Variants in PTPRG observed in about 807,000 individuals in gnomAD.
PTPRG encodes the protein receptor-type tyrosine-protein phosphatase gamma.
A neutral mutation model predicts 165.3 loss-of-function variants in PTPRG; 102 were observed. That is an observed-to-expected ratio of 0.62 (90% confidence interval 0.53 to 0.73). The LOEUF (loss-of-function observed/expected upper bound fraction) is 0.73. PTPRG is among the 30% of genes least tolerant of loss of function. PTPRG has a pLI of 0.00. For missense variants in PTPRG, 1,866 were observed against 1,861.4 expected, an observed-to-expected ratio of 1.00 and a Z score of -0.05; for synonymous variants, 675 against 669.5, an observed-to-expected ratio of 1.01 and a Z score of -0.13.
chr3:61,689,689 G>A (rs1179608818), intron 1 of PTPRG, among the ~76,000 whole-genome samples: 1 of 152,170 alleles, frequency 6.6e-6, no homozygotes, highest in Non-Finnish European at 1.5e-5. Flanking sequence ...TCCCAGGTAA[G>A]GTAGCATTTG....
At chr3:61,620,871 C>T (rs922980756) in intron 1 of PTPRG, among the ~76,000 whole-genome samples, 7 of 151,850 alleles carry the variant, frequency 4.6e-5, no homozygotes, top group African/African-American at 1.5e-4. Context: ...TCTGGTGATC[C>T]TCCCACCTCA....
intron 1 of PTPRG, among the ~76,000 whole-genome samples, chr3:61,595,990 C>A (rs190885881): frequency 1.3e-5 from 2 of 152,050 alleles, no homozygotes; most frequent in Non-Finnish European, 2.9e-5. Context: ...ACATAGCCTA[C>A]GTTCAAGGCA....
chr3:61,623,764 T>A (rs924400264), intron 1 of PTPRG, among the ~76,000 whole-genome samples: 1 of 152,184 alleles, frequency 6.6e-6, no homozygotes, highest in Admixed American at 6.5e-5. Context: ...AAACCTTCAG[T>A]TGCTGTTTGT....
intron 20 of PTPRG, among the ~76,000 whole-genome samples, chr3:62,269,476 T>G (rs1701991533): frequency 2.0e-5 from 3 of 152,150 alleles, no homozygotes; most frequent in Admixed American, 1.3e-4. Context: ...TTGATTTAGC[T>G]TTTTTATTCC....
rs548479057 is a variant in PTPRG at position 62,133,593 on chromosome 3, T to C, written c.682+925T>C. Reference sequence around the variant, plus strand: ...TAGGATTTTGGATTAATTGTTCCGTTCTCAAAATTGGTCAGTCATGCAGCA... The same window carrying C: ...TAGGATTTTGGATTAATTGTTCCGTCCTCAAAATTGGTCAGTCATGCAGCA... On this transcript the variant is annotated intron_variant, in intron 6 of 29. Coordinates refer to ENST00000474889, the MANE Select transcript of PTPRG (RefSeq NM_002841.4). Among the ~76,000 whole-genome samples the C allele has an allele frequency of 4.1e-4, 63 of 152,286 alleles. No individual in the cohort carries two copies. In the South Asian group the frequency reaches 4.4e-3, roughly 11 times the overall value.
At position 62,218,872 on chromosome 3, in the gene PTPRG, T is replaced by A; in HGVS notation, c.2177T>A (p.Met726Lys). 1 of 1,613,956 alleles carries A rather than the reference T, an allele frequency of 6.2e-7. No homozygotes were observed. The highest frequency in any genetic ancestry group is 8.5e-7 in the Non-Finnish European group (1 of 1,179,920). ...VNPAEKNTSG[M>K]ISRPAPGRME... ...GCAGCGGAAAAAAACACCTCTGGAA[T>A]GATAAGCCGCCCTGCTCCAGGGAGG... The change falls in exon 13 of 30, where the codon ATG (methionine) becomes AAG (lysine). Residue 726 changes from methionine (M) to lysine (K), a missense_variant. Met to Lys is a moderately conservative substitution (Grantham distance 95). Coordinates refer to ENST00000474889, the MANE Select transcript of PTPRG (RefSeq NM_002841.4).
intron 1 of PTPRG, among the ~76,000 whole-genome samples, chr3:61,606,549 TGTCA>T (rs1275520341): frequency 6.6e-6 from 1 of 152,234 alleles, no homozygotes; most frequent in Non-Finnish European, 1.5e-5. Context: ...GGTGTCCCAA[TGTCA>T]GTCCATGTAT....
intron 14 of PTPRG, among the ~76,000 whole-genome samples, chr3:62,243,001 G>A (rs776480083): frequency 1.3e-5 from 2 of 151,960 alleles, no homozygotes; most frequent in Admixed American, 6.6e-5. Flanking sequence ...AGCCATTCAC[G>A]CTGAGCAGCT....
At chr3:61,682,446 T>TG (rs1363535770) in intron 1 of PTPRG, among the ~76,000 whole-genome samples, 4 of 152,156 alleles carry the variant, frequency 2.6e-5, no homozygotes, top group Non-Finnish European at 5.9e-5. Flanking sequence ...GTATGGGTGA[T>TG]GGGGACATAG....
intron 2 of PTPRG, among the ~76,000 whole-genome samples, chr3:61,956,244 A>G (rs554538797): frequency 5.3e-5 from 8 of 151,708 alleles, no homozygotes; most frequent in African/African-American, 1.9e-4. Context: ...GTATGTCCCC[A>G]TAACAGCCAG....
chr3:62,139,862 GC>G (rs1703857847), intron 6 of PTPRG, among the ~76,000 whole-genome samples: 1 of 152,124 alleles, frequency 6.6e-6, no homozygotes, highest in Non-Finnish European at 1.5e-5. Context: ...GTCACTCCAG[GC>G]CTCTAGCAAA....
chr3:61,800,840 C>T (rs1171656084), intron 2 of PTPRG, among the ~76,000 whole-genome samples: 7 of 151,974 alleles, frequency 4.6e-5, no homozygotes, highest in African/African-American at 1.5e-4. Flanking sequence ...GATAGGGTTT[C>T]GCCATGTTTG....
At chr3:61,997,466 T>TG (rs1197943052) in intron 3 of PTPRG, among the ~76,000 whole-genome samples, 19 of 152,308 alleles carry the variant, frequency 1.2e-4, no homozygotes, top group Admixed American at 4.6e-4. Flanking sequence ...GGCTTTCTCT[T>TG]ACTCGTTACC....
chr3:61,926,069 G>A (rs2039201863), intron 2 of PTPRG, among the ~76,000 whole-genome samples: 1 of 152,188 alleles, frequency 6.6e-6, no homozygotes, highest in African/African-American at 2.4e-5. Context: ...AGCAAGATCT[G>A]CAGGTCATTC....
chr3:62,034,832 C>T (rs1302973072), intron 4 of PTPRG, among the ~76,000 whole-genome samples: 6 of 152,180 alleles, frequency 3.9e-5, no homozygotes, highest in Non-Finnish European at 8.8e-5. Context: ...CTTGGCCACC[C>T]CCGCAGCCAG....
intron 1 of PTPRG, among the ~76,000 whole-genome samples, chr3:61,731,095 A>C (rs1168535768): frequency 6.6e-6 from 1 of 152,198 alleles, no homozygotes; most frequent in African/African-American, 2.4e-5. Context: ...TATGAGCCTC[A>C]CATTTCCATT....
intron 1 of PTPRG, among the ~76,000 whole-genome samples, chr3:61,674,442 G>A (rs887557018): frequency 1.6e-5 from 2 of 121,614 alleles, no homozygotes; most frequent in Non-Finnish European, 3.1e-5. Flanking sequence ...AGCTGAGATC[G>A]CCCCACTGCC....
intron 2 of PTPRG, among the ~76,000 whole-genome samples, chr3:61,983,993 G>C (rs1002739639): frequency 1.3e-5 from 2 of 152,138 alleles, no homozygotes; most frequent in Non-Finnish European, 1.5e-5. Flanking sequence ...AAGAAACTGA[G>C]TATGAAGTGA....
At chr3:62,129,714 C>G (rs1703444270) in intron 5 of PTPRG, among the ~76,000 whole-genome samples, 1 of 152,166 alleles carries the variant, frequency 6.6e-6, no homozygotes, top group South Asian at 2.1e-4. Flanking sequence ...AATTAAGTTT[C>G]CAACACGTGA....
Sources: gnomAD v4.1 joint callset for allele counts (sites outside exome capture counted in the v4.1 genomes callset) on GRCh38, gnomAD v4.1.1 for gene constraint, MANE v1.5 for transcripts, NCBI Gene and HGNC (gene_info 2026-07-23, HGNC 2026-07-21) for gene names.